Variants in SEPTIN12 observed in about 807,000 individuals in gnomAD.
The protein encoded by SEPTIN12 is septin-12.
Under a neutral mutation model 37.7 loss-of-function variants are expected in SEPTIN12, and 42 were observed. The ratio of observed to expected loss-of-function variants is 1.11; its 90% CI spans 0.87 to 1.44. The LOEUF is 1.44. SEPTIN12 is among the 40% of genes most tolerant of loss of function. SEPTIN12 has a pLI of 0.00. For synonymous variants in SEPTIN12, 254 were observed against 196.7 expected, an observed-to-expected ratio of 1.29 and a Z score of -2.44; for missense variants, 613 against 479.2, an observed-to-expected ratio of 1.28 and a Z score of -2.61.
At chr16:4,780,113 T>C (rs2082357057) in intron 7 of SEPTIN12, among the ~76,000 whole-genome samples, 1 of 151,908 alleles carries the variant, frequency 6.6e-6, no homozygotes, top group South Asian at 2.1e-4. Context: ...TATAATCCCA[T>C]TATATTATAT....
At chr16:4,787,789 T>G (rs1289938395) in intron 1 of SEPTIN12, 122 bp from the exon 2 acceptor site, 1 of 603,988 alleles carries the variant, frequency 1.7e-6, no homozygotes, top group African/African-American at 1.9e-5. Flanking sequence ...ACTTCATGCC[T>G]CTGGTGTACC....
intron 8 of SEPTIN12, among the ~76,000 whole-genome samples, chr16:4,779,175 G>A (rs951603168): frequency 6.6e-5 from 10 of 151,888 alleles, no homozygotes; most frequent in African/African-American, 2.4e-4. Context: ...AATACATCAG[G>A]GGCTACATCC....
chr16:4,779,915 C>T lies in SEPTIN12; in HGVS notation c.727-129G>A, dbSNP rs1450291890. On this transcript the variant is annotated intron_variant, in intron 7 of 9. Coordinates refer to ENST00000268231, the MANE Select transcript of SEPTIN12 (RefSeq NM_144605.5). ...AGGAGGGAACATGGTAGAAAGTGCA[C>T]AGAATTCCCAAGTTCAAAGACATAA... is the stretch of plus-strand genomic sequence containing the variant. 24 of 686,212 alleles carry T rather than the reference C, an allele frequency of 3.5e-5. No individual in the cohort carries two copies. In the Admixed American group the frequency reaches 5.8e-4, roughly 17 times the overall value. The allele number at this position is 686,212 out of a possible 1,614,324, so 42.5% of individuals were successfully genotyped here.
chr16:4,778,687 C>G (rs1395491886), intron 8 of SEPTIN12, among the ~76,000 whole-genome samples: 1 of 151,848 alleles, frequency 6.6e-6, no homozygotes, highest in Non-Finnish European at 1.5e-5. Flanking sequence ...GTAGTCCCAG[C>G]TATTTGGGAG....
intron 7 of SEPTIN12, chr16:4,783,257 T>C: frequency 3.3e-6 from 2 of 598,202 alleles, no homozygotes; most frequent in Non-Finnish European, 3.0e-6. Flanking sequence ...GGGTATGTGA[T>C]TCGCAGACAT....
chr16:4,787,766 C>T (rs1004261731), intron 1 of SEPTIN12, 99 bp from the exon 2 acceptor site: 3 of 615,330 alleles, frequency 4.9e-6, no homozygotes, highest in Admixed American at 5.7e-5. Flanking sequence ...GGCCGTTGGC[C>T]AACCCCCTCC....
chr16:4,786,839 G>T (rs1758968652), intron 2 of SEPTIN12, among the ~76,000 whole-genome samples: 1 of 151,846 alleles, frequency 6.6e-6, no homozygotes, highest in African/African-American at 2.4e-5. Context: ...GTAGAGATGG[G>T]GTCTTGCTGT....
chr16:4,789,161 G>T (rs929702952), upstream of SEPTIN12, among the ~76,000 whole-genome samples: 1 of 152,046 alleles, frequency 6.6e-6, no homozygotes, highest in Non-Finnish European at 1.5e-5. Flanking sequence ...TGGATTACCG[G>T]TGTGCACCAC....
chr16:4,783,605 C>G, intron 6 of SEPTIN12, 44 bp downstream of exon 6: 8 of 1,611,896 alleles, frequency 5.0e-6, no homozygotes, highest in Non-Finnish European at 5.9e-6. Flanking sequence ...CCACTCTGCC[C>G]TCTGCCCCCG....
rs753974069 is a variant in SEPTIN12, at chr16:4,787,624, G to T, written c.22C>A (p.Pro8Thr). The T allele has an allele frequency of 1.3e-6, 2 of 1,598,280 alleles. No individual in the cohort carries two copies. Among genetic ancestry groups the T allele is most frequent in the Non-Finnish European group, 1.7e-6 (2 of 1,176,970 alleles). ...GGCTGCGAGGACAGGCAGGGAGAGG[G>T]GGAGCGCCTCAGGGGGTCCATGGGG... The part of the protein sequence containing the change: MDPLRRS[P>T]SPCLSSQPSS... The change falls in exon 2 of 10, where the codon CCC becomes ACC. Residue 8 changes from proline to threonine, a missense_variant. Physicochemically the swap from Pro to Thr is conservative, Grantham distance 38. Transcript: ENST00000268231.
intron 4 of SEPTIN12, among the ~76,000 whole-genome samples, chr16:4,784,864 C>T (rs2082418421): frequency 6.6e-6 from 1 of 152,042 alleles, no homozygotes; most frequent in Non-Finnish European, 1.5e-5. Flanking sequence ...AATCCCAGTG[C>T]TTTGGGAGGC....
Position 4,787,446 on chromosome 16 carries a change from GTCTGTCCTGCCGTGGGCCCTACCTCT to G in SEPTIN12, c.166+8_166+33del, listed in dbSNP as rs751644786. The G allele has an allele frequency of 6.2e-7, 1 of 1,603,864 alleles. No individual in the cohort carries two copies. Among genetic ancestry groups the G allele is most frequent in the South Asian group, 1.1e-5 (1 of 90,932 alleles). ...CGCCCAGGCACGCGTAGCACTGTGG[GTCTGTCCTGCCGTGGGCCCTACCTCT>G]CACTCACCCACCACCATGATGTTGA... On this transcript the variant is annotated splice_region_variant and intron_variant, in intron 2 of 9. Coordinates refer to ENST00000268231, the MANE Select transcript of SEPTIN12 (RefSeq NM_144605.5).
chr16:4,785,546 G>T (rs1567568776), intron 4 of SEPTIN12, among the ~76,000 whole-genome samples: 1 of 151,902 alleles, frequency 6.6e-6, no homozygotes, highest in Non-Finnish European at 1.5e-5. Flanking sequence ...GGCCGAGGCG[G>T]GTGGATCATC....
At position 4,787,467 on chromosome 16, in the gene SEPTIN12, A is replaced by T. The variant is rs756282398; in HGVS notation, c.166+13T>A. ...GTGGGTCTGTCCTGCCGTGGGCCCT[A>T]CCTCTCACTCACCCACCACCATGAT... On this transcript the variant is annotated intron_variant, in intron 2 of 9. Coordinates refer to ENST00000268231, the MANE Select transcript of SEPTIN12 (RefSeq NM_144605.5). 1 of 1,611,212 alleles carries T rather than the reference A, an allele frequency of 6.2e-7. No homozygotes were observed. The highest frequency in any genetic ancestry group is 1.1e-5 in the South Asian group (1 of 91,054).
intron 4 of SEPTIN12, among the ~76,000 whole-genome samples, chr16:4,784,640 C>T (rs1450133561): frequency 3.0e-5 from 3 of 100,202 alleles, no homozygotes; most frequent in African/African-American, 6.4e-5. Flanking sequence ...TGGGGTGGCA[C>T]GTGCCTGTGG....
chr16:4,779,600 G>T, intron 8 of SEPTIN12, 90 bp downstream of exon 8: 1 of 810,012 alleles, frequency 1.2e-6, no homozygotes. Flanking sequence ...TCACCTTTCT[G>T]TGCCCTGTGA....
chr16:4,780,865 C>G (rs539557113), intron 7 of SEPTIN12, among the ~76,000 whole-genome samples: 1 of 152,312 alleles, frequency 6.6e-6, no homozygotes, highest in African/African-American at 2.4e-5. Context: ...GTAATCCCAG[C>G]TACTCAGGAG....
At chr16:4,789,387 A>G (rs916534581), upstream of SEPTIN12, among the ~76,000 whole-genome samples, 1 of 148,056 alleles carries the variant, frequency 6.8e-6, no homozygotes, top group Non-Finnish European at 1.5e-5. Context: ...GTTTAGTGGC[A>G]TGATCTCGGC....
intron 7 of SEPTIN12, among the ~76,000 whole-genome samples, chr16:4,782,959 G>A (rs1255291479): frequency 6.6e-6 from 1 of 150,998 alleles, no homozygotes; most frequent in East Asian, 1.9e-4. Flanking sequence ...AGGCTGGAGT[G>A]CAATGGCGCC....
Sources: gnomAD v4.1 joint callset for allele counts (sites outside exome capture counted in the v4.1 genomes callset) on GRCh38, gnomAD v4.1.1 for gene constraint, MANE v1.5 for transcripts, NCBI Gene and HGNC (gene_info 2026-07-23, HGNC 2026-07-21) for gene names.